SPTB: variants seen among roughly 807,000 people sequenced by gnomAD.
SPTB encodes the protein spectrin beta chain, erythrocytic.
Under a neutral mutation model 256.2 loss-of-function variants are expected in SPTB, and 45 were observed. The ratio of observed to expected loss-of-function variants is 0.18; its 90% CI spans 0.14 to 0.23. The LOEUF is 0.23. SPTB is among the 10% of genes least tolerant of loss of function. The pLI, the probability that SPTB is intolerant of heterozygous loss-of-function variation, is 1.00. For missense variants in SPTB, 2,715 were observed against 3,040.4 expected, an observed-to-expected ratio of 0.89 and a Z score of 2.52; for synonymous variants, 1,231 against 1,243.1, an observed-to-expected ratio of 0.99 and a Z score of 0.21.
chr14:64,808,212 C>A (rs2083021404), intron 2 of SPTB, among the ~76,000 whole-genome samples: 1 of 152,148 alleles, frequency 6.6e-6, no homozygotes, highest in Non-Finnish European at 1.5e-5. Flanking sequence ...CGGGGTTTCA[C>A]CATGTTGGTC....
rs1251862589 is a variant in SPTB at position 64,749,587 on chromosome 14, C to T, written c.6819+67G>A. The T allele has an allele frequency of 2.5e-6, 4 of 1,609,308 alleles. No homozygotes were observed. In the East Asian group the frequency reaches 8.9e-5, roughly 36 times the overall value. ...GCCCCTTCTGAGGGGGCCTCCAGGG[C>T]AAGCGGCCTGGGGTCCTCCACCTAC... On this transcript the variant is annotated intron_variant, in intron 35 of 35. Transcript: ENST00000644917. This position sits in a 1 kb window ranked among gnomAD's most constrained non-coding sequence, Gnocchi z 4.7.
rs2081916311 is a variant in SPTB, at chr14:64,749,818, A to G, written c.6777-122T>C. On this transcript the variant is annotated intron_variant, in intron 34 of 35. Coordinates refer to ENST00000644917, the MANE Select transcript of SPTB (RefSeq NM_001355436.2). This position sits in a 1 kb window ranked among gnomAD's most constrained non-coding sequence, Gnocchi z 4.7. ...CCAGACCCCTCTCAGGCAGCCCAGCACTTTCTGAGAGGTCAAAGTCTGGAC... is the reference window on the plus strand; with the variant it reads ...CCAGACCCCTCTCAGGCAGCCCAGCGCTTTCTGAGAGGTCAAAGTCTGGAC... 2 of 1,488,102 alleles carry G rather than the reference A, an allele frequency of 1.3e-6. No homozygotes were observed. Among genetic ancestry groups the G allele is most frequent in the Non-Finnish European group, 1.9e-6 (2 of 1,080,528 alleles). 92.2% of individuals were successfully genotyped at this position (1,488,102 alleles called of 1,614,324 possible). A position where few individuals can be genotyped will look rare whatever the true frequency, so the allele number is the denominator to read the frequency against.
chr14:64,822,033 T>G (rs1323005065), intron 2 of SPTB, among the ~76,000 whole-genome samples: 1 of 151,844 alleles, frequency 6.6e-6, no homozygotes, highest in Admixed American at 6.6e-5. Context: ...AAAGTGTTTA[T>G]GGGGAAGGTT....
At position 64,753,798 on chromosome 14, in the gene SPTB, T is replaced by C. The variant is rs770146235; in HGVS notation, c.6346-5A>G. The C allele has an allele frequency of 6.2e-7, 1 of 1,612,410 alleles. No homozygotes were observed. Among genetic ancestry groups the C allele is most frequent in the Admixed American group, 1.7e-5 (1 of 60,016 alleles). ...CCACGTTCCCTCTTCTTCCCCCTGC[T>C]CAGGGCATAGGGAGGAGCACACCTT... On this transcript the variant is annotated splice_polypyrimidine_tract_variant and splice_region_variant and intron_variant, in intron 32 of 35. Transcript: ENST00000644917.
At position 64,827,150 on chromosome 14, in the gene SPTB, G is replaced by A. The variant is rs2083387974; in HGVS notation, c.-51-4005C>T. 6.6e-6 allele frequency among the ~76,000 whole-genome samples: 1 copy of A among 152,182 alleles called. No individual in the cohort carries two copies. Among genetic ancestry groups the A allele is most frequent in the Non-Finnish European group, 1.5e-5 (1 of 68,040 alleles). ...CAGGGTGCTGACGGAGCCCAAGCTA[G>A]GACCCATGTCAGCCCTCGCCGAAGC... On this transcript the variant is annotated intron_variant, in intron 1 of 35. Transcript: ENST00000644917. The surrounding 1 kb of genome is among the most constrained non-coding windows in gnomAD (Gnocchi z 4.6).
intron 1 of SPTB, among the ~76,000 whole-genome samples, chr14:64,863,754 TC>T (rs1881994408): frequency 6.6e-6 from 1 of 152,226 alleles, no homozygotes. Flanking sequence ...ATAACCATTC[TC>T]CCTAGTGTCC....
chr14:64,766,880 T>G (rs1314099789), intron 31 of SPTB, 79 bp from the exon 32 acceptor site: 1 of 1,563,960 alleles, frequency 6.4e-7, no homozygotes. Flanking sequence ...GCTTTTCACC[T>G]GCGCCCACAG....
intron 2 of SPTB, among the ~76,000 whole-genome samples, chr14:64,820,844 T>C (rs1308895488): frequency 6.6e-6 from 1 of 152,060 alleles, no homozygotes; most frequent in Non-Finnish European, 1.5e-5. Context: ...CTATTTCTTT[T>C]TTTTTTGGAT....
At chr14:64,789,299 C>G (rs1302620955) in intron 15 of SPTB, among the ~76,000 whole-genome samples, 1 of 152,048 alleles carries the variant, frequency 6.6e-6, no homozygotes, top group African/African-American at 2.4e-5. Flanking sequence ...CTGCAGTGAG[C>G]CAAAATTGTA....
chr14:64,878,926 C>T (rs1882965297), intron 1 of SPTB, among the ~76,000 whole-genome samples: 1 of 152,228 alleles, frequency 6.6e-6, no homozygotes, highest in African/African-American at 2.4e-5. Flanking sequence ...CAAGGCCCTA[C>T]CTGAAGCTCG....
In SPTB at chr14:64,792,817, C is replaced by A. The variant is rs188377308; in HGVS notation, c.2666+180G>T. Among the ~76,000 whole-genome samples, 4 of 152,286 alleles carry A rather than the reference C, an allele frequency of 2.6e-5. No individual in the cohort carries two copies. Among genetic ancestry groups the A allele is most frequent in the Admixed American group, 2.6e-4 (4 of 15,300 alleles). ...ACACAAGGCCCCAAAGGGTGAAGTACCCCAGGCCACAGAGCCAGAATAGAA... is the reference window on the plus strand; with the variant it reads ...ACACAAGGCCCCAAAGGGTGAAGTAACCCAGGCCACAGAGCCAGAATAGAA... On this transcript the variant is annotated intron_variant, in intron 14 of 35. Transcript: ENST00000644917. The surrounding 1 kb of genome is among the most constrained non-coding windows in gnomAD (Gnocchi z 4.2).
chr14:64,854,274 C>CTT (rs1206368948), intron 1 of SPTB, among the ~76,000 whole-genome samples: 14,715 of 73,294 alleles, frequency 0.2, 4,087 homozygotes, highest in Non-Finnish European at 0.24. Flanking sequence ...TTTCCAAACT[C>CTT]TTTTTTTTTT....
At position 64,779,008 on chromosome 14, in the gene SPTB, C is replaced by G. The variant is rs1226880524; in HGVS notation, c.4563+149G>C. On this transcript the variant is annotated intron_variant, in intron 22 of 35. Transcript: ENST00000644917. This position sits in a 1 kb window ranked among gnomAD's most constrained non-coding sequence, Gnocchi z 4.2. ...ACCTGCTCTTTCTGCTATAAGATTA[C>G]CAATACGGTTTGGAGACCCCAAAGC... The G allele has an allele frequency of 6.1e-6, 4 of 659,908 alleles. No homozygotes were observed. The highest frequency in any genetic ancestry group is 1.1e-5 in the Non-Finnish European group (4 of 364,062). 40.9% of individuals were successfully genotyped at this position (659,908 alleles called of 1,614,324 possible).
intron 33 of SPTB, among the ~76,000 whole-genome samples, chr14:64,751,431 A>T (rs1381530770): frequency 1.3e-5 from 2 of 152,034 alleles, no homozygotes; most frequent in African/African-American, 4.8e-5. Context: ...CTATCCTCAA[A>T]TATTTCTTAA....
rs200877686 is a variant in SPTB at position 64,787,087 on chromosome 14, A to G, written c.2878T>C (p.Cys960Arg). Residue 960 changes from cysteine to arginine, a missense_variant, in exon 16 of 36, where the codon TGC (cysteine) becomes CGC (arginine). By Grantham distance (180) the Cys-to-Arg change is radical (BLOSUM62 -3). Around this residue, in one of 4 missense-constraint regions of SPTB, gnomAD observed 2,239 missense variants for 2,384.4 expected, o/e 0.94. Transcript: ENST00000644917. ...VDSALRVHNY[C>R]VDCEETSKWI... ...TTGCTGGTCTCCTCGCAATCTACGC[A>G]GTAGTTGTGCACTCGGAGGGCTGAG... 6 of 1,612,498 alleles carry G rather than the reference A, an allele frequency of 3.7e-6. No individual in the cohort carries two copies. The East Asian group carries it at 8.9e-5, about 24-fold the overall frequency.
chr14:64,818,505 C>A (rs897784680), intron 2 of SPTB, among the ~76,000 whole-genome samples: 1 of 152,184 alleles, frequency 6.6e-6, no homozygotes, highest in Non-Finnish European at 1.5e-5. Flanking sequence ...TCCCTGCTCT[C>A]CCTTCTGGGC....
rs369083256 is a variant in SPTB at position 64,825,824 on chromosome 14, G to A, written c.-51-2679C>T. On this transcript the variant is annotated intron_variant, in intron 1 of 35. Transcript: ENST00000644917. The surrounding 1 kb of genome is among the most constrained non-coding windows in gnomAD (Gnocchi z 4.8). ...CGTTCAAGACAAGATTGATGGCCCC[G>A]GGTGCAGAAGAGCAGCGGCTCGACA... Among the ~76,000 whole-genome samples the A allele has an allele frequency of 4.6e-5, 7 of 152,218 alleles. No individual in the cohort carries two copies. The highest frequency in any genetic ancestry group is 2.0e-4 in the Admixed American group (3 of 15,278).
chr14:64,811,988 C>A (rs1440462696), intron 2 of SPTB, among the ~76,000 whole-genome samples: 2 of 152,184 alleles, frequency 1.3e-5, no homozygotes, highest in Non-Finnish European at 2.9e-5. Context: ...ATTTATCCTA[C>A]AGATCTATTC....
rs1009299617 is a variant in SPTB, at chr14:64,770,110, G to A, written c.5799-382C>T. Among the ~76,000 whole-genome samples, 9 of 152,348 alleles carry A rather than the reference G, an allele frequency of 5.9e-5. No individual in the cohort carries two copies. In the South Asian group the frequency reaches 1.0e-3, roughly 18 times the overall value. ...TTGTATGATTCCATTTATATGAAAT[G>A]TCCAGAACAGGCAAATCTAGAGAGA... On this transcript the variant is annotated intron_variant, in intron 27 of 35. Transcript: ENST00000644917.
Sources: gnomAD v4.1 joint callset for allele counts (sites outside exome capture counted in the v4.1 genomes callset) on GRCh38, gnomAD v4.1.1 for gene constraint, gnomAD v4.1.1 regional missense constraint, Gnocchi (gnomAD v3.1) non-coding constraint, MANE v1.5 for transcripts, NCBI Gene and HGNC (gene_info 2026-07-23, HGNC 2026-07-21) for gene names.